ARHGEF11: variants seen among roughly 807,000 people sequenced by gnomAD.
ARHGEF11 encodes Rho guanine nucleotide exchange factor 11, also known as Rho guanine exchange factor (GEF) 11.
Under a neutral mutation model 193.7 loss-of-function variants are expected in ARHGEF11, and 55 were observed. That is an observed-to-expected ratio of 0.28 (90% confidence interval 0.23 to 0.36). The LOEUF is 0.36. Among genes scored for constraint, ARHGEF11 ranks in the 10% least tolerant of loss-of-function variants. The pLI, the probability that ARHGEF11 is intolerant of heterozygous loss-of-function variation, is 1.00. For synonymous variants in ARHGEF11, 693 were observed against 768.0 expected, an observed-to-expected ratio of 0.90 and a Z score of 1.62; for missense variants, 1,723 against 2,005.6, an observed-to-expected ratio of 0.86 and a Z score of 2.69.
chr1:157,046,139 G>A (rs1039954047), upstream of ARHGEF11, among the ~76,000 whole-genome samples: 4 of 150,626 alleles, frequency 2.7e-5, no homozygotes, highest in Admixed American at 6.6e-5. Flanking sequence ...CCTCGGCGCG[G>A]CCTAGCGGGT....
chr1:156,970,096 C>T lies in ARHGEF11; in HGVS notation c.703-53G>A, dbSNP rs79220129. ...CAAATTCTGTGAGCCTCTCCCCCTA[C>T]GGTTTTCTTTCACCAATCAGTGCCT... On this transcript the variant is annotated intron_variant, in intron 8 of 40. Coordinates refer to ENST00000368194, the MANE Select transcript of ARHGEF11 (RefSeq NM_198236.3). The T allele has an allele frequency of 1.2e-4, 181 of 1,541,884 alleles. No homozygotes were observed. In the South Asian group the frequency reaches 1.6e-3, roughly 13 times the overall value.
At chr1:156,989,947 T>C (rs565341103) in intron 1 of ARHGEF11, among the ~76,000 whole-genome samples, 6 of 152,332 alleles carry the variant, frequency 3.9e-5, no homozygotes, top group South Asian at 2.1e-4. Flanking sequence ...CCTAAGAGCA[T>C]TGAAATTCTT....
intron 1 of ARHGEF11, among the ~76,000 whole-genome samples, chr1:157,008,981 G>A (rs757760850): frequency 2.0e-5 from 3 of 152,200 alleles, no homozygotes; most frequent in Non-Finnish European, 4.4e-5. Flanking sequence ...CCTAGCTATT[G>A]TTGAACTACA....
intron 1 of ARHGEF11, among the ~76,000 whole-genome samples, chr1:156,988,096 A>G (rs913810284): frequency 6.6e-6 from 1 of 152,210 alleles, no homozygotes; most frequent in Non-Finnish European, 1.5e-5. Context: ...ATAATGCCTG[A>G]TGCCCGGGGA....
At chr1:156,959,700 G>A (rs1660501926) in intron 15 of ARHGEF11, among the ~76,000 whole-genome samples, 1 of 152,170 alleles carries the variant, frequency 6.6e-6, no homozygotes, top group Non-Finnish European at 1.5e-5. Flanking sequence ...CCCGTCACAT[G>A]TGCCCGTAAA....
At chr1:156,981,825 G>T (rs767566998) in intron 3 of ARHGEF11, among the ~76,000 whole-genome samples, 62 of 152,058 alleles carry the variant, frequency 4.1e-4, no homozygotes, top group Non-Finnish European at 6.6e-4. Flanking sequence ...TTACATCCAG[G>T]AAGCACAAAA....
At chr1:156,995,391 C>G (rs1054831535) in intron 1 of ARHGEF11, among the ~76,000 whole-genome samples, 5 of 152,184 alleles carry the variant, frequency 3.3e-5, no homozygotes, top group Non-Finnish European at 7.4e-5. Context: ...TTTCTCTCCC[C>G]ACCTTGGCCT....
rs148557927 is a variant in ARHGEF11, at chr1:157,014,658, C to T, written c.33-28485G>A. The stretch of plus-strand genomic sequence containing the variant: ...TCGACTGTCTCCAGTTTCTCACCTC[C>T]CACTTACCCCTCAATCCACTGCAAT... On this transcript the variant is annotated intron_variant, in intron 1 of 40. Coordinates refer to ENST00000368194, the MANE Select transcript of ARHGEF11 (RefSeq NM_198236.3). Among the ~76,000 whole-genome samples, 60 of 152,280 alleles carry T rather than the reference C, an allele frequency of 3.9e-4. 1 individual carries two copies. The East Asian group carries it at 0.011, about 29-fold the overall frequency.
At chr1:157,011,780 T>C (rs987191490) in intron 1 of ARHGEF11, among the ~76,000 whole-genome samples, 4 of 152,192 alleles carry the variant, frequency 2.6e-5, no homozygotes, top group African/African-American at 9.7e-5. Flanking sequence ...AACAATGAGA[T>C]ACCATTTTAC....
intron 1 of ARHGEF11, among the ~76,000 whole-genome samples, chr1:156,994,142 T>A (rs184893800): frequency 3.3e-5 from 5 of 152,318 alleles, no homozygotes; most frequent in African/African-American, 9.6e-5. Context: ...CATATTGATA[T>A]CATCTGTTAG....
intron 1 of ARHGEF11, among the ~76,000 whole-genome samples, chr1:157,017,940 T>C (rs1235867364): frequency 6.6e-6 from 1 of 152,082 alleles, no homozygotes; most frequent in East Asian, 1.9e-4. Flanking sequence ...AAGCTGATTC[T>C]AAAATCCTAG....
chr1:156,941,469 G>A (rs773009146), intron 34 of ARHGEF11, 36 bp from the exon 35 acceptor site: 6 of 1,605,074 alleles, frequency 3.7e-6, no homozygotes, highest in Non-Finnish European at 5.1e-6. Context: ...GAGATCCCAT[G>A]AGATTCCACC....
chr1:156,969,190 G>T, intron 10 of ARHGEF11, 92 bp downstream of exon 10: 1 of 1,003,960 alleles, frequency 1.0e-6, no homozygotes, highest in African/African-American at 1.6e-5. Flanking sequence ...GCACACAGAG[G>T]CCTCAGTGCA....
At chr1:156,944,750 A>T (rs1208334922) in intron 30 of ARHGEF11, among the ~76,000 whole-genome samples, 2 of 152,156 alleles carry the variant, frequency 1.3e-5, no homozygotes, top group Non-Finnish European at 2.9e-5. Flanking sequence ...CCCTCCCAGA[A>T]GATCTCCACC....
At chr1:156,972,503 C>T (rs749175817) in intron 7 of ARHGEF11, among the ~76,000 whole-genome samples, 88 of 152,198 alleles carry the variant, frequency 5.8e-4, no homozygotes, top group Non-Finnish European at 7.8e-4. Context: ...GAATGTCTAG[C>T]GCAAAGTCAG....
intron 1 of ARHGEF11, among the ~76,000 whole-genome samples, chr1:157,000,845 T>G (rs1233432430): frequency 6.6e-6 from 1 of 152,110 alleles, no homozygotes; most frequent in Non-Finnish European, 1.5e-5. Context: ...AGCTCCCAGC[T>G]GTAATGGGGG....
At chr1:156,947,068 G>C in intron 26 of ARHGEF11, 53 bp from the exon 27 acceptor site, 1 of 1,601,070 alleles carries the variant, frequency 6.2e-7, no homozygotes, top group South Asian at 1.1e-5. Flanking sequence ...TCAACTGCCA[G>C]AACCTTTCTG....
intron 1 of ARHGEF11, among the ~76,000 whole-genome samples, chr1:157,002,588 T>C (rs6665144): frequency 0.035 from 5,384 of 152,268 alleles, 151 homozygotes; most frequent in South Asian, 0.1. Flanking sequence ...ATTTGGCACT[T>C]GTTATCAAAT....
chr1:157,031,984 A>G (rs1671365931), intron 1 of ARHGEF11, among the ~76,000 whole-genome samples: 4 of 152,242 alleles, frequency 2.6e-5, no homozygotes, highest in Admixed American at 2.6e-4. Context: ...TAGGAAATTT[A>G]TTCTCTCACT....
Sources: allele counts gnomAD v4.1 joint callset (sites outside exome capture counted in the v4.1 genomes callset), GRCh38; gene constraint gnomAD v4.1.1; transcripts MANE v1.5; gene names NCBI Gene and HGNC (gene_info 2026-07-23, HGNC 2026-07-21).